TMEM204: variants seen among roughly 807,000 people sequenced by gnomAD.
TMEM204 encodes the protein claudin-like protein 24.
A neutral mutation model predicts 19.4 loss-of-function variants in TMEM204; 15 were observed. The observed-to-expected ratio is 0.77, with a 90% CI of 0.52 to 1.19. The LOEUF is 1.19. TMEM204 is among the 50% of genes most tolerant of loss of function. The pLI is 0.00. For missense variants in TMEM204, 287 were observed against 321.2 expected, an observed-to-expected ratio of 0.89 and a Z score of 0.81; for synonymous variants, 161 against 146.0, an observed-to-expected ratio of 1.10 and a Z score of -0.74.
chr16:1,535,771 G>A (rs1361070854), intron 1 of TMEM204, among the ~76,000 whole-genome samples: 2 of 152,266 alleles, frequency 1.3e-5, no homozygotes, highest in African/African-American at 4.8e-5. Context: ...GCACCGCACA[G>A]CCTGGACTGC....
intron 1 of TMEM204, among the ~76,000 whole-genome samples, chr16:1,535,851 T>G (rs2031013094): frequency 6.6e-6 from 1 of 152,214 alleles, no homozygotes; most frequent in Non-Finnish European, 1.5e-5. Context: ...AGCCTATGAA[T>G]AACTTCAAAG....
intron 2 of TMEM204, among the ~76,000 whole-genome samples, chr16:1,552,047 G>A (rs993301981): frequency 6.6e-6 from 1 of 152,202 alleles, no homozygotes; most frequent in Non-Finnish European, 1.5e-5. Context: ...GAGGGAGGTT[G>A]ACCCTGGAAG....
intron 2 of TMEM204, among the ~76,000 whole-genome samples, chr16:1,543,258 T>C (rs1242804946): frequency 6.6e-6 from 1 of 152,250 alleles, no homozygotes; most frequent in Non-Finnish European, 1.5e-5. Flanking sequence ...ACAGAGGAAG[T>C]GGCAGGAAGT....
At chr16:1,538,590 G>A (rs906816628) in intron 1 of TMEM204, among the ~76,000 whole-genome samples, 6 of 152,192 alleles carry the variant, frequency 3.9e-5, no homozygotes, top group African/African-American at 9.7e-5. Context: ...CTCCTCTCTC[G>A]AACATGACCT....
intron 1 of TMEM204, chr16:1,541,463 C>G (rs954119515): frequency 1.0e-6 from 1 of 985,314 alleles, no homozygotes; most frequent in Non-Finnish European, 1.2e-6. Flanking sequence ...GACAGCACGC[C>G]TGAGGAGCTG....
intron 1 of TMEM204, among the ~76,000 whole-genome samples, chr16:1,536,131 G>A (rs895005133): frequency 6.6e-6 from 1 of 152,240 alleles, no homozygotes; most frequent in Non-Finnish European, 1.5e-5. Context: ...CTTGGCCGCA[G>A]CTCTGCACCT....
chr16:1,543,171 C>T (rs1482458406), intron 2 of TMEM204, among the ~76,000 whole-genome samples: 1 of 152,248 alleles, frequency 6.6e-6, no homozygotes, highest in Non-Finnish European at 1.5e-5. Flanking sequence ...CTGAGCATGA[C>T]CAGCACGGAG....
At chr16:1,539,948 A>C (rs2141275104) in intron 1 of TMEM204, among the ~76,000 whole-genome samples, 2 of 152,322 alleles carry the variant, frequency 1.3e-5, no homozygotes, top group South Asian at 4.1e-4. Context: ...GGCGCCACCC[A>C]GGCCGGAGCG....
chr16:1,552,872 C>G, intron 2 of TMEM204: 1 of 666,986 alleles, frequency 1.5e-6, no homozygotes, highest in Non-Finnish European at 1.8e-6. Flanking sequence ...CCAGGCTGGT[C>G]TTGAACTCGT....
chr16:1,533,203 G>A (rs2030686881), upstream of TMEM204: 1 of 152,490 alleles, frequency 6.6e-6, no homozygotes, highest in Non-Finnish European at 1.5e-5. This position sits in a 1 kb window ranked among gnomAD's most constrained non-coding sequence, Gnocchi z 4.7. Context: ...AGGCACACGG[G>A]TCTCTCCCCT....
Position 1,554,858 on chromosome 16 carries a change from G to C in TMEM204, c.513G>C (p.Leu171=), listed in dbSNP as rs749127490. The part of the protein sequence containing the change: ...PYTNLSWSCY[L]NIGACLLATL... The stretch of plus-strand genomic sequence containing the variant: ...CCAACCTGTCCTGGTCCTGCTACCT[G>C]AACATTGGCGCCTGCCTTCTGGCCA... The change falls in exon 3 of 3, where the codon CTG becomes CTC. Residue 171 remains leucine, a synonymous_variant. Coordinates refer to ENST00000566264, the MANE Select transcript of TMEM204 (RefSeq NM_024600.6). 23 of 1,614,096 alleles carry C rather than the reference G, an allele frequency of 1.4e-5. No homozygotes were observed. The highest frequency in any genetic ancestry group is 1.6e-4 in the Middle Eastern group (1 of 6,084).
At chr16:1,539,124 G>A (rs2031372747) in intron 1 of TMEM204, among the ~76,000 whole-genome samples, 1 of 150,942 alleles carries the variant, frequency 6.6e-6, no homozygotes, top group Non-Finnish European at 1.5e-5. Flanking sequence ...AAGCTGCAGA[G>A]TGCCAGACGG....
chr16:1,541,432 G>A, intron 1 of TMEM204: 1 of 985,438 alleles, frequency 1.0e-6, no homozygotes, highest in Non-Finnish European at 1.2e-6. Flanking sequence ...CCGCTTGGGG[G>A]TCGGGCAGCT....
intron 2 of TMEM204, among the ~76,000 whole-genome samples, chr16:1,545,063 G>A (rs2032050927): frequency 6.6e-6 from 1 of 152,232 alleles, no homozygotes; most frequent in African/African-American, 2.4e-5. Context: ...TCTTATTTCA[G>A]GACAAGATAG....
chr16:1,540,787 A>T, intron 1 of TMEM204: 1 of 974,836 alleles, frequency 1.0e-6, no homozygotes, highest in African/African-American at 1.8e-5. Context: ...ACTGTTTATA[A>T]CGACTTAGTT....
rs772986376 is a variant in TMEM204, at chr16:1,534,396, C to T, written c.121C>T (p.Arg41Cys). Residue 41 changes from arginine (R) to cysteine (C), a missense_variant, in exon 1 of 3, where the codon CGC (arginine) becomes TGC (cysteine). Coordinates refer to ENST00000566264, the MANE Select transcript of TMEM204 (RefSeq NM_024600.6). Reference sequence around the variant, plus strand: ...CCAGACGCTGGAGGATGGGCGCAGGCGCAGCGTGGGGCTGTGGAGGTCCTG... The same window carrying T: ...CCAGACGCTGGAGGATGGGCGCAGGTGCAGCGTGGGGCTGTGGAGGTCCTG... ...VCQTLEDGRR[R>C]SVGLWRSCWL... 1.4e-5 allele frequency: 22 copies of T among 1,612,500 alleles called. No homozygotes were observed. Among genetic ancestry groups the T allele is most frequent in the Admixed American group, 3.3e-5 (2 of 59,992 alleles).
In TMEM204 at chr16:1,555,194, C is replaced by T. The variant is rs549749895; in HGVS notation, c.*168C>T. ...GACACGTGTGCGTTTACTGTTATGT[C>T]GGTCATATGTCTGTACGTGTCGTGG... On this transcript the variant is annotated 3_prime_UTR_variant, in exon 3 of 3. Transcript: ENST00000566264. 59 of 845,034 alleles carry T rather than the reference C, an allele frequency of 7.0e-5. No homozygotes were observed. In the African/African-American group the frequency reaches 8.1e-4, roughly 12 times the overall value. The allele number at this position is 845,034 out of a possible 1,614,324, so 52.3% of individuals were successfully genotyped here.
chr16:1,534,593 C>A, intron 1 of TMEM204, 38 bp downstream of exon 1: 1 of 1,595,778 alleles, frequency 6.3e-7, no homozygotes, highest in Non-Finnish European at 8.5e-7. Context: ...TCAGCGTGGC[C>A]GAGGCTCGAG....
intron 2 of TMEM204, among the ~76,000 whole-genome samples, chr16:1,544,579 C>G (rs1596336579): frequency 6.6e-6 from 1 of 152,068 alleles, no homozygotes; most frequent in East Asian, 1.9e-4. Flanking sequence ...ATCCACCCAC[C>G]TCAGCCTCCC....
Sources: gnomAD v4.1 joint callset for allele counts (sites outside exome capture counted in the v4.1 genomes callset) on GRCh38, gnomAD v4.1.1 for gene constraint, Gnocchi (gnomAD v3.1) non-coding constraint, MANE v1.5 for transcripts, NCBI Gene and HGNC (gene_info 2026-07-23, HGNC 2026-07-21) for gene names.